PRDM6: variants seen among roughly 807,000 people sequenced by gnomAD.
The protein encoded by PRDM6 is putative histone-lysine N-methyltransferase PRDM6.
PRDM6 carries 25 observed loss-of-function variants against 60.8 expected under a neutral mutation model. The ratio of observed to expected loss-of-function variants is 0.41; its 90% confidence interval spans 0.30 to 0.57. The LOEUF (loss-of-function observed/expected upper bound fraction) is 0.57, where lower values mean the gene tolerates loss of function less well. Among genes scored for constraint, PRDM6 ranks in the 20% least tolerant of loss-of-function variants. The probability of loss-of-function intolerance (pLI) is 0.27; values close to 1 mark genes in which losing one functional copy is unlikely to be tolerated. For missense variants in PRDM6, 839 were observed against 821.3 expected (o/e 1.02, Z -0.26); for synonymous variants, 407 against 357.4 (o/e 1.14, Z -1.57).
chr5:123,168,928 G>A (rs1228438807), intron 5 of PRDM6, among the ~76,000 whole-genome samples: 1 of 152,174 alleles, frequency 6.6e-6, no homozygotes, highest in South Asian at 2.1e-4. Context: ...GAGCTTCGTG[G>A]CAGTCATAGT....
chr5:123,142,076 A>G (rs1178416951), intron 3 of PRDM6, among the ~76,000 whole-genome samples: 1 of 152,148 alleles, frequency 6.6e-6, no homozygotes, highest in African/African-American at 2.4e-5. Context: ...GGCATAAATT[A>G]TGATTAAATT....
At chr5:123,107,521 C>T (rs1282004045) in intron 3 of PRDM6, among the ~76,000 whole-genome samples, 1 of 152,198 alleles carries the variant, frequency 6.6e-6, no homozygotes, top group Non-Finnish European at 1.5e-5. Flanking sequence ...CATGAATCTG[C>T]AGGGCTCTTT....
intron 3 of PRDM6, among the ~76,000 whole-genome samples, chr5:123,149,378 G>C (rs1765324198): frequency 6.6e-6 from 1 of 152,162 alleles, no homozygotes; most frequent in Non-Finnish European, 1.5e-5. Context: ...GAGTGTTCAT[G>C]CAGGAATATG....
At chr5:123,150,792 G>T (rs2126868816) in intron 3 of PRDM6, among the ~76,000 whole-genome samples, 1 of 152,240 alleles carries the variant, frequency 6.6e-6, no homozygotes, top group Admixed American at 6.5e-5. Flanking sequence ...ACAGCGCTGG[G>T]TTCACAGGTC....
rs1275233495 is a variant in PRDM6 at position 123,140,625 on chromosome 5, T to C, written c.901-15259T>C. Among the ~76,000 whole-genome samples the C allele has an allele frequency of 2.0e-5, 3 of 152,140 alleles. 1 individual carries two copies. The highest frequency in any genetic ancestry group is 4.4e-5 in the Non-Finnish European group (3 of 67,990). On this transcript the variant is annotated intron_variant, in intron 3 of 7. Transcript: ENST00000407847. Reference sequence around the variant, plus strand: ...TTACAAAAGAAATGCAAAGATGACTTACAGAAAAACAAATTCTTACCTAAT... The same window carrying C: ...TTACAAAAGAAATGCAAAGATGACTCACAGAAAAACAAATTCTTACCTAAT...
At chr5:123,151,258 T>TCTC (rs1765362524) in intron 3 of PRDM6, among the ~76,000 whole-genome samples, 1 of 152,092 alleles carries the variant, frequency 6.6e-6, no homozygotes, top group Non-Finnish European at 1.5e-5. Flanking sequence ...GTCTGAAATG[T>TCTC]CTCCTCACTC....
At chr5:123,173,007 C>T (rs913331237) in intron 6 of PRDM6, among the ~76,000 whole-genome samples, 3 of 152,086 alleles carry the variant, frequency 2.0e-5, no homozygotes, top group South Asian at 2.1e-4. Context: ...CTGGCTAACA[C>T]GGTGAAACCC....
At position 123,090,044 on chromosome 5, in the gene PRDM6, G is replaced by T; in HGVS notation, c.30G>T (p.Ser10=). The T allele has an allele frequency of 6.5e-7, 1 of 1,548,210 alleles. No individual in the cohort carries two copies. The highest frequency in any genetic ancestry group is 8.7e-7 in the Non-Finnish European group (1 of 1,146,014). The change falls in exon 2 of 8, where the codon TCG becomes TCT. Residue 10 remains serine, a synonymous_variant. Coordinates refer to ENST00000407847, the MANE Select transcript of PRDM6 (RefSeq NM_001136239.4). ...TGAAGCCCGGAGACCCCGGCGGTTC[G>T]GCCTTCCTCAAAGTGGACCCAGCCT... The part of the protein sequence containing the change: MLKPGDPGG[S]AFLKVDPAYL...
chr5:123,171,082 G>A lies in PRDM6; in HGVS notation c.1470G>A (p.Met490Ile). ...TCACCCAGCGGATCCTCTTACAGAT[G>A]CACGTGTGCACGCAGAACCCCGACA... ...KTFTQRILLQ[M>I]HVCTQNPDRP... Residue 490 changes from methionine to isoleucine, a missense_variant, in exon 6 of 8, where the codon ATG (methionine) becomes ATA (isoleucine). Around this residue, in one of 2 missense-constraint regions of PRDM6, gnomAD observed 109 missense variants for 172.6 expected, o/e 0.63. Transcript: ENST00000407847. The A allele has an allele frequency of 6.5e-7, 1 of 1,546,024 alleles. No homozygotes were observed. The highest frequency in any genetic ancestry group is 8.7e-7 in the Non-Finnish European group (1 of 1,143,000).
chr5:123,115,436 A>G (rs1393064309), intron 3 of PRDM6, among the ~76,000 whole-genome samples: 2 of 152,340 alleles, frequency 1.3e-5, no homozygotes, highest in East Asian at 3.9e-4. Flanking sequence ...CTAGCCACAC[A>G]TGGGTGCAGA....
intron 5 of PRDM6, among the ~76,000 whole-genome samples, chr5:123,168,940 C>T (rs1386277413): frequency 6.6e-6 from 1 of 152,188 alleles, no homozygotes; most frequent in Admixed American, 6.5e-5. Flanking sequence ...AGTCATAGTC[C>T]CCCACCGTTG....
At chr5:123,122,112 G>A (rs1011389250) in intron 3 of PRDM6, among the ~76,000 whole-genome samples, 25 of 133,602 alleles carry the variant, frequency 1.9e-4, no homozygotes, top group Admixed American at 8.7e-5. Flanking sequence ...GCAGTGAGCC[G>A]AGATCCCACC....
chr5:123,106,486 G>T (rs1211649321), intron 3 of PRDM6, among the ~76,000 whole-genome samples: 1 of 152,206 alleles, frequency 6.6e-6, no homozygotes, highest in Non-Finnish European at 1.5e-5. Flanking sequence ...TACAGTACGA[G>T]GCTGTCAGAA....
At chr5:123,132,137 A>G (rs1448643441) in intron 3 of PRDM6, among the ~76,000 whole-genome samples, 2 of 152,156 alleles carry the variant, frequency 1.3e-5, no homozygotes, top group Admixed American at 6.5e-5. Context: ...CATAACAGCT[A>G]TCCTACTTTA....
At chr5:123,102,608 A>G (rs1764128370) in intron 3 of PRDM6, among the ~76,000 whole-genome samples, 1 of 152,138 alleles carries the variant, frequency 6.6e-6, no homozygotes, top group Admixed American at 6.6e-5. Context: ...CCAGAATAGC[A>G]AGTCAACAAA....
intron 3 of PRDM6, among the ~76,000 whole-genome samples, chr5:123,117,740 C>T (rs900999169): frequency 6.7e-6 from 1 of 149,544 alleles, no homozygotes; most frequent in Non-Finnish European, 1.5e-5. Context: ...GAGTGTGTCA[C>T]GTTGGGATGA....
Position 123,170,854 on chromosome 5 carries a change from CCAG to C in PRDM6, c.1247_1249del (p.Gln416del). On this transcript the variant is annotated inframe_deletion, in exon 6 of 8. Transcript: ENST00000407847. The stretch of plus-strand genomic sequence containing the variant: ...AAAGCAGCAAACTCGCCCCTACCAC[CCAG>C]CAGCGCTCCGTTGTTTTCCCCCAGA... 1.3e-6 allele frequency: 2 copies of C among 1,552,254 alleles called. No individual in the cohort carries two copies. Among genetic ancestry groups the C allele is most frequent in the Non-Finnish European group, 1.7e-6 (2 of 1,147,116 alleles).
chr5:123,135,998 A>G (rs1019919159), intron 3 of PRDM6, among the ~76,000 whole-genome samples: 1 of 152,234 alleles, frequency 6.6e-6, no homozygotes, highest in East Asian at 1.9e-4. Context: ...AAATTAAAGT[A>G]TGAAAATTTT....
rs994230018 is a variant in PRDM6, at chr5:123,109,007, G to A, written c.900+9046G>A. ...CTCTCCACTCTGTATTCTCCTGGTG[G>A]AAAATTTTATTAACAGCCTGCAGAC... On this transcript the variant is annotated intron_variant, in intron 3 of 7. Transcript: ENST00000407847. Among the ~76,000 whole-genome samples the A allele has an allele frequency of 3.3e-5, 5 of 151,962 alleles. No individual in the cohort carries two copies. The East Asian group carries it at 9.6e-4, about 29-fold the overall frequency.
Sources: allele counts gnomAD v4.1 joint callset (sites outside exome capture counted in the v4.1 genomes callset), GRCh38; gene constraint gnomAD v4.1.1; regional missense constraint gnomAD v4.1.1; transcripts MANE v1.5; gene names NCBI Gene and HGNC (gene_info 2026-07-23, HGNC 2026-07-21).